The following UBAP2 variants were observed in gnomAD, a reference collection of about 807,000 sequenced individuals.
The protein encoded by UBAP2 is ubiquitin-associated protein 2.
Under a neutral mutation model 139.6 loss-of-function variants are expected in UBAP2, and 75 were observed. The observed-to-expected ratio is 0.54, with a 90% CI of 0.45 to 0.65. The LOEUF (loss-of-function observed/expected upper bound fraction) is 0.65. Ranked by LOEUF, UBAP2 falls within the 30% of genes least tolerant of loss-of-function variation. The pLI, the probability that UBAP2 is intolerant of heterozygous loss-of-function variation, is 0.00. For missense variants in UBAP2, 1,368 were observed against 1,369.6 expected (o/e 1.00, Z 0.02); for synonymous variants, 526 against 526.2 (o/e 1.00, Z 0.01).
chr9:34,004,504 T>C (rs7857079), intron 2 of UBAP2, among the ~76,000 whole-genome samples: 122,341 of 151,822 alleles, frequency 0.81, 49,373 homozygotes, highest in Middle Eastern at 0.87. Flanking sequence ...AAAAAAAGGC[T>C]GGGCGCAGTG....
At chr9:34,002,342 C>G (rs1328099679) in intron 2 of UBAP2, among the ~76,000 whole-genome samples, 1 of 150,432 alleles carries the variant, frequency 6.6e-6, no homozygotes, top group African/African-American at 2.4e-5. Flanking sequence ...ATCTATATCA[C>G]GTTTAATGCT....
At chr9:33,928,540 G>A (rs1265485662) in intron 19 of UBAP2, 1 of 152,986 alleles carries the variant, frequency 6.5e-6, no homozygotes, top group African/African-American at 2.4e-5. Flanking sequence ...ACACCTTTCA[G>A]TCCACCAATG....
Position 34,017,052 on chromosome 9 carries a change from G to A in UBAP2, c.97C>T (p.Gln33Ter), listed in dbSNP as rs764624286. ...QSTQPQKQVVQATAEQMRLAQ... is the reference protein window; with the variant it reads ...QSTQPQKQVV ...AAAAGAGTTCCACAAAAACTTACCT[G>A]TACCACTTGTTTCTGTGGTTGCGTT... The change falls in exon 2 of 29, where the codon CAG (glutamine) becomes TAG (stop). Residue 33 changes from glutamine to a stop codon, truncating the protein, a stop_gained and splice_region_variant. Coordinates refer to ENST00000379238, the MANE Select transcript of UBAP2 (RefSeq NM_001370062.2). LOFTEE classifies it high-confidence loss of function. The A allele has an allele frequency of 5.0e-6, 8 of 1,585,344 alleles. No homozygotes were observed. The highest frequency in any genetic ancestry group is 6.8e-6 in the Non-Finnish European group (8 of 1,168,590).
At chr9:34,014,911 A>G (rs934848148) in intron 2 of UBAP2, among the ~76,000 whole-genome samples, 5 of 152,162 alleles carry the variant, frequency 3.3e-5, no homozygotes. Context: ...TTCCTATCAG[A>G]GTAAGTGTAT....
intron 2 of UBAP2, among the ~76,000 whole-genome samples, chr9:34,005,892 C>T (rs560481158): frequency 1.6e-4 from 25 of 152,216 alleles, no homozygotes; most frequent in African/African-American, 5.8e-4. Flanking sequence ...ATATCAATCC[C>T]TAAATAATCA....
At position 33,928,002 on chromosome 9, in the gene UBAP2, G is replaced by C. The variant is rs1007801694; in HGVS notation, c.2176-10C>G. 5 of 1,605,642 alleles carry C rather than the reference G, an allele frequency of 3.1e-6. No individual in the cohort carries two copies. The African/African-American group carries it at 6.7e-5, about 21-fold the overall frequency. On this transcript the variant is annotated splice_polypyrimidine_tract_variant and intron_variant, in intron 19 of 28. Coordinates refer to ENST00000379238, the MANE Select transcript of UBAP2 (RefSeq NM_001370062.2). ...TCTCCACACTGGCATGCTGGCAAAA[G>C]AAAAGCCAGGACACATGGATCTGGA...
At chr9:33,943,708 G>T in intron 14 of UBAP2, 119 bp from the exon 15 acceptor site, 2 of 816,608 alleles carry the variant, frequency 2.4e-6, no homozygotes, top group Non-Finnish European at 3.8e-6. Flanking sequence ...AAGAAGGAGT[G>T]AGAAACAAGG....
chr9:33,929,105 C>G (rs925176515), intron 19 of UBAP2, among the ~76,000 whole-genome samples: 6 of 152,364 alleles, frequency 3.9e-5, no homozygotes, highest in Middle Eastern at 6.8e-3. Context: ...AAAGGATGCA[C>G]TGGCCTGCCC....
At chr9:33,936,171 T>G (rs536149114) in intron 16 of UBAP2, among the ~76,000 whole-genome samples, 2 of 152,210 alleles carry the variant, frequency 1.3e-5, no homozygotes, top group Admixed American at 6.5e-5. Context: ...TCTGTAGAGA[T>G]GGGGTTTTGC....
intron 4 of UBAP2, among the ~76,000 whole-genome samples, chr9:33,990,052 C>T (rs1057410168): frequency 8.7e-5 from 2 of 22,950 alleles, no homozygotes; most frequent in African/African-American, 1.2e-4. Flanking sequence ...CAAATCTAAT[C>T]TACCATATAT....
rs142784846 is a variant in UBAP2, at chr9:33,951,420, C to T, written c.1056+1865G>A. ...GGAGTGCAATGGCATGATCACGGCT[C>T]GCTGCAACCTCCACCTCCCGGGTTC... On this transcript the variant is annotated intron_variant, in intron 12 of 28. Coordinates refer to ENST00000379238, the MANE Select transcript of UBAP2 (RefSeq NM_001370062.2). Among the ~76,000 whole-genome samples, 314 of 145,166 alleles carry T rather than the reference C, an allele frequency of 2.2e-3. 3 individuals carry two copies. The highest frequency in any genetic ancestry group is 1.3e-3 in the Non-Finnish European group (89 of 67,108).
intron 2 of UBAP2, among the ~76,000 whole-genome samples, chr9:34,013,652 G>A (rs770002383): frequency 2.0e-5 from 3 of 151,956 alleles, no homozygotes; most frequent in Non-Finnish European, 2.9e-5. Flanking sequence ...CAAGGTGGGC[G>A]GATCACCTGA....
At chr9:34,012,172 T>C (rs1178758944) in intron 2 of UBAP2, among the ~76,000 whole-genome samples, 1 of 152,228 alleles carries the variant, frequency 6.6e-6, no homozygotes, top group East Asian at 1.9e-4. Context: ...TGTGGAATTT[T>C]CACATAAATT....
At chr9:33,984,605 G>A (rs995690258) in intron 6 of UBAP2, among the ~76,000 whole-genome samples, 1 of 151,792 alleles carries the variant, frequency 6.6e-6, no homozygotes, top group Admixed American at 6.6e-5. Flanking sequence ...TTGAGCCCAG[G>A]ATTTCAAGGT....
intron 2 of UBAP2, among the ~76,000 whole-genome samples, chr9:34,011,430 T>C (rs1486412819): frequency 6.6e-6 from 1 of 152,268 alleles, no homozygotes; most frequent in African/African-American, 2.4e-5. Flanking sequence ...ATACACATAA[T>C]AGTCATTTAA....
chr9:33,989,549 G>C (rs1237881519), intron 4 of UBAP2, among the ~76,000 whole-genome samples: 1 of 152,124 alleles, frequency 6.6e-6, no homozygotes, highest in Non-Finnish European at 1.5e-5. Context: ...CAGCTCACCT[G>C]CTTATCATTT....
chr9:33,967,524 A>T (rs913813309), intron 8 of UBAP2, among the ~76,000 whole-genome samples: 5 of 152,192 alleles, frequency 3.3e-5, no homozygotes, highest in African/African-American at 1.2e-4. Flanking sequence ...TTTAATTAGA[A>T]AAATTATTTA....
intron 1 of UBAP2, among the ~76,000 whole-genome samples, chr9:34,023,947 C>T (rs376270359): frequency 1.7e-3 from 258 of 151,876 alleles, no homozygotes; most frequent in Non-Finnish European, 3.1e-3. Context: ...AGGAGGCTGA[C>T]GCAGGAGAAT....
chr9:34,028,134 C>G (rs1441435781), intron 1 of UBAP2, among the ~76,000 whole-genome samples: 1 of 151,958 alleles, frequency 6.6e-6, no homozygotes, highest in Non-Finnish European at 1.5e-5. Flanking sequence ...TACACCCACA[C>G]TTCGCTGACA....
Sources: gnomAD v4.1 joint callset for allele counts (sites outside exome capture counted in the v4.1 genomes callset) on GRCh38, gnomAD v4.1.1 for gene constraint, MANE v1.5 for transcripts, NCBI Gene and HGNC (gene_info 2026-07-23, HGNC 2026-07-21) for gene names.